Variants in NLRP5 observed in about 807,000 individuals in gnomAD.
NLRP5 encodes the protein NACHT, LRR and PYD domains-containing protein 5.
In NLRP5, 93 loss-of-function variants were observed where a neutral mutation model predicts 113.1. The observed-to-expected ratio is 0.82, with a 90% CI of 0.70 to 0.98. The LOEUF is 0.98. NLRP5 is among the 50% of genes least tolerant of loss of function. The pLI is 0.00. For missense variants in NLRP5, 1,808 were observed against 1,514.3 expected, an observed-to-expected ratio of 1.19 and a Z score of -3.22; for synonymous variants, 751 against 600.7, an observed-to-expected ratio of 1.25 and a Z score of -3.66.
intron 11 of NLRP5, among the ~76,000 whole-genome samples, chr19:56,044,320 C>T (rs1355522052): frequency 6.6e-6 from 1 of 152,166 alleles, no homozygotes; most frequent in Non-Finnish European, 1.5e-5. Flanking sequence ...TCCCAAAGTG[C>T]TGGGATTACA....
intron 7 of NLRP5, among the ~76,000 whole-genome samples, chr19:56,028,747 T>G (rs1463010954): frequency 6.6e-6 from 1 of 152,134 alleles, no homozygotes; most frequent in Non-Finnish European, 1.5e-5. Flanking sequence ...GGCTCTGGGG[T>G]TGAAACCCAG....
At position 56,013,255 on chromosome 19, in the gene NLRP5, C is replaced by T. The variant is rs111769501; in HGVS notation, c.509-2487C>T. On this transcript the variant is annotated intron_variant, in intron 3 of 14. Transcript: ENST00000390649. ...TTGCTGAGGCTGGAGTGCAGTGGTG[C>T]GATCTCGGCTCACTGCAACCTCCGC... is the stretch of plus-strand genomic sequence containing the variant. Among the ~76,000 whole-genome samples, 357 of 152,082 alleles carry T rather than the reference C, an allele frequency of 2.3e-3. 1 individual carries two copies. Among genetic ancestry groups the T allele is most frequent in the Admixed American group, 5.4e-3 (82 of 15,260 alleles).
chr19:56,022,212 TAC>T (rs1982641738), intron 6 of NLRP5, among the ~76,000 whole-genome samples: 1 of 152,132 alleles, frequency 6.6e-6, no homozygotes, highest in African/African-American at 2.4e-5. Context: ...TAAGGGGAGA[TAC>T]ACTCTCCACT....
chr19:56,042,147 C>T (rs973916038), intron 11 of NLRP5, among the ~76,000 whole-genome samples: 9 of 152,134 alleles, frequency 5.9e-5, no homozygotes, highest in African/African-American at 1.2e-4. Context: ...ACTGAGCACT[C>T]CCGGTATTGA....
At position 56,028,166 on chromosome 19, in the gene NLRP5, G is replaced by A. The variant is rs369519846; in HGVS notation, c.1933G>A (p.Val645Ile). The A allele has an allele frequency of 1.6e-5, 26 of 1,613,898 alleles. No individual in the cohort carries two copies. The highest frequency in any genetic ancestry group is 2.2e-5 in the East Asian group (1 of 44,894). Residue 645 changes from valine to isoleucine, a missense_variant, in exon 7 of 15, where the codon GTA becomes ATA. By Grantham distance (29) the Val-to-Ile change is conservative (BLOSUM62 3). Transcript: ENST00000390649. ...CTTGTTTGGCCTCGTGAGCGAAGAC[G>A]TAAGGAGGCCACTGGAGGTCCTGCT...
chr19:56,028,451 G>A lies in NLRP5; in HGVS notation c.2218G>A (p.Val740Ile). 6.2e-7 allele frequency: 1 copy of A among 1,613,932 alleles called. No homozygotes were observed. The highest frequency in any genetic ancestry group is 8.5e-7 in the Non-Finnish European group (1 of 1,179,900). The change falls in exon 7 of 15, where the codon GTC (valine) becomes ATC (isoleucine). Residue 740 changes from valine (V) to isoleucine (I), a missense_variant. Physicochemically the swap from Val to Ile is conservative, Grantham distance 29 (BLOSUM62 3). Transcript: ENST00000390649. The stretch of plus-strand genomic sequence containing the variant: ...GTATTTGCGGAAAATTCGGGTGGAT[G>A]TCAAAGGGATCTTCCCAAGAGATGA...
intron 6 of NLRP5, among the ~76,000 whole-genome samples, chr19:56,023,413 C>T (rs1022318157): frequency 7.2e-5 from 11 of 152,162 alleles, no homozygotes; most frequent in South Asian, 2.1e-4. Flanking sequence ...GACGGCCCTC[C>T]GTTTCCCATG....
upstream of NLRP5, among the ~76,000 whole-genome samples, chr19:55,996,776 A>C (rs1981338511): frequency 6.6e-6 from 1 of 152,206 alleles, no homozygotes; most frequent in South Asian, 2.1e-4. Context: ...TGCTATTGTG[A>C]ATAGTGCCAC....
chr19:56,049,524 G>C (rs956622776), intron 11 of NLRP5, among the ~76,000 whole-genome samples: 5 of 149,722 alleles, frequency 3.3e-5, no homozygotes, highest in African/African-American at 1.2e-4. Context: ...TGGCCAGGAT[G>C]GTCTCGAACT....
intron 13 of NLRP5, among the ~76,000 whole-genome samples, chr19:56,054,992 CTTTTTTT>C (rs869165472): frequency 4.5e-4 from 28 of 62,394 alleles, no homozygotes; most frequent in South Asian, 7.4e-4. Flanking sequence ...CACCCCTCCC[CTTTTTTT>C]TTTTTTTTTT....
chr19:56,035,760 C>T (rs1599899151), intron 9 of NLRP5, among the ~76,000 whole-genome samples: 1 of 152,244 alleles, frequency 6.6e-6, no homozygotes, highest in South Asian at 2.1e-4. Context: ...GGCCCGTATT[C>T]CCCAAAGTAC....
chr19:55,998,228 C>T (rs569404333), upstream of NLRP5, among the ~76,000 whole-genome samples: 15 of 152,138 alleles, frequency 9.9e-5, no homozygotes, highest in South Asian at 2.9e-3. Context: ...GTGGGGTGTG[C>T]ACCTGTAGTC....
chr19:56,036,747 A>G (rs1983332405), intron 9 of NLRP5, among the ~76,000 whole-genome samples: 1 of 152,136 alleles, frequency 6.6e-6, no homozygotes, highest in African/African-American at 2.4e-5. Flanking sequence ...ACCTGAGGTC[A>G]GGAGATCAAG....
intron 7 of NLRP5, 118 bp downstream of exon 7, chr19:56,028,627 G>A: frequency 1.0e-6 from 1 of 998,544 alleles, no homozygotes; most frequent in Non-Finnish European, 1.5e-6. Context: ...CAGGATGAAT[G>A]GCCCAGATGA....
chr19:56,040,651 C>T (rs1052568468), intron 10 of NLRP5, among the ~76,000 whole-genome samples: 18 of 152,200 alleles, frequency 1.2e-4, no homozygotes, highest in Non-Finnish European at 2.4e-4. Flanking sequence ...CATGTGGGGA[C>T]TGGAAATGGC....
At position 56,003,078 on chromosome 19, in the gene NLRP5, C is replaced by A. The variant is rs1054811945; in HGVS notation, c.63-638C>A. ...CCTCAGGGATCTAGAACTAGAAATACCATTTGACCCAGCCATCCCATTACT... is the reference window on the plus strand; with the variant it reads ...CCTCAGGGATCTAGAACTAGAAATAACATTTGACCCAGCCATCCCATTACT... On this transcript the variant is annotated intron_variant, in intron 1 of 14. Transcript: ENST00000390649. 4.6e-5 allele frequency among the ~76,000 whole-genome samples: 7 copies of A among 151,008 alleles called. No individual in the cohort carries two copies. The East Asian group carries it at 7.9e-4, about 17-fold the overall frequency.
Position 56,033,718 on chromosome 19 carries a change from C to CA in NLRP5, c.2615+9_2615+10insA. 6.3e-7 allele frequency: 1 copy of CA among 1,593,158 alleles called. No homozygotes were observed. Among genetic ancestry groups the CA allele is most frequent in the Non-Finnish European group, 8.5e-7 (1 of 1,170,182 alleles). On this transcript the variant is annotated intron_variant, in intron 9 of 14. Transcript: ENST00000390649. ...TTGTTGGAGTCTTTGAGGTACGTCT[C>CA]TGGTAGAGCTTTTGCCTTGTTTTTC... is the stretch of plus-strand genomic sequence containing the variant.
intron 13 of NLRP5, among the ~76,000 whole-genome samples, chr19:56,057,433 C>T (rs749232460): frequency 2.0e-5 from 3 of 152,224 alleles, no homozygotes; most frequent in Non-Finnish European, 4.4e-5. Flanking sequence ...TCACCACTGT[C>T]TGGGACTCTT....
chr19:55,988,770 T>A, the NLRP5 span: 1 of 152,094 alleles, frequency 6.6e-6, no homozygotes, highest in South Asian at 2.1e-4. Flanking sequence ...TATATAGAAG[T>A]GTTTAGATAT....
Sources: gnomAD v4.1 joint callset for allele counts (sites outside exome capture counted in the v4.1 genomes callset) on GRCh38, gnomAD v4.1.1 for gene constraint, MANE v1.5 for transcripts, NCBI Gene and HGNC (gene_info 2026-07-23, HGNC 2026-07-21) for gene names.